The following BBS2 variants were observed in gnomAD, a reference collection of about 807,000 sequenced individuals.
BBS2 encodes the protein Bardet-Biedl syndrome 2.
Under a neutral mutation model 83.0 loss-of-function variants are expected in BBS2, and 62 were observed. The ratio of observed to expected loss-of-function variants is 0.75; its 90% CI spans 0.61 to 0.92. The LOEUF (loss-of-function observed/expected upper bound fraction) is 0.92. Ranked by LOEUF, BBS2 falls within the 40% of genes least tolerant of loss-of-function variation. BBS2 has a pLI of 0.00. For synonymous variants in BBS2, 303 were observed against 326.1 expected (o/e 0.93, Z 0.76); for missense variants, 784 against 901.0 (o/e 0.87, Z 1.66).
intron 17 of BBS2, among the ~76,000 whole-genome samples, chr16:56,471,364 A>AG (rs1394313685): frequency 6.6e-6 from 1 of 151,460 alleles, no homozygotes; most frequent in Non-Finnish European, 1.5e-5. Context: ...TACATCTCAA[A>AG]GAAAAAAAAA....
chr16:56,472,382 A>C (rs1272617135), intron 17 of BBS2, among the ~76,000 whole-genome samples: 1 of 152,170 alleles, frequency 6.6e-6, no homozygotes, highest in Admixed American at 6.5e-5. Context: ...TTGAGCACCT[A>C]CTGTATACAG....
chr16:56,499,582 C>T, intron 12 of BBS2, 196 bp downstream of exon 12: 2 of 617,590 alleles, frequency 3.2e-6, no homozygotes, highest in East Asian at 3.3e-5. Context: ...TGCTCAGATG[C>T]TTTTTCAAAG....
At chr16:56,494,503 C>T (rs182698514) in intron 15 of BBS2, among the ~76,000 whole-genome samples, 2 of 152,184 alleles carry the variant, frequency 1.3e-5, no homozygotes, top group East Asian at 3.9e-4. Flanking sequence ...AGAACCAGGA[C>T]TCGAGAGAAA....
chr16:56,516,020 T>C (rs771761430), intron 1 of BBS2: 1 of 152,196 alleles, frequency 6.6e-6, no homozygotes, highest in African/African-American at 2.4e-5. Flanking sequence ...GCTGAGAAAG[T>C]ACAGGAGCAG....
intron 14 of BBS2, 50 bp downstream of exon 14, chr16:56,497,693 T>C (rs1964152797): frequency 1.2e-6 from 2 of 1,606,434 alleles, no homozygotes; most frequent in African/African-American, 2.7e-5. Flanking sequence ...TCTCCTCAAA[T>C]ATTATTAGAC....
chr16:56,502,842 T>C (rs1247330435), intron 7 of BBS2, 34 bp from the exon 8 acceptor site: 4 of 1,613,438 alleles, frequency 2.5e-6, no homozygotes, highest in African/African-American at 1.3e-5. Context: ...AAGTTGCTTA[T>C]GCTACATGTT....
chr16:56,500,659 T>C, intron 11 of BBS2, 195 bp downstream of exon 11: 1 of 584,438 alleles, frequency 1.7e-6, no homozygotes, highest in Non-Finnish European at 3.0e-6. Context: ...ATCTTAAACT[T>C]ACATATCAGT....
At position 56,475,588 on chromosome 16, in the gene BBS2, C is replaced by CT. The variant is rs1463568750; in HGVS notation, c.*1-4894dup. On this transcript the variant is annotated intron_variant, in intron 17 of 17. Transcript: ENST00000682047. Reference sequence around the variant, plus strand: ...GAGGTAAGTTTCTTCTGATAGCAAACTATCATTTTTAGTTATTGAGAATGC... The same window carrying CT: ...GAGGTAAGTTTCTTCTGATAGCAAACTTATCATTTTTAGTTATTGAGAATGC... 3.7e-6 allele frequency: 6 copies of CT among 1,607,254 alleles called. No homozygotes were observed. In the African/African-American group the frequency reaches 8.0e-5, roughly 21 times the overall value.
intron 17 of BBS2, chr16:56,478,153 G>A (rs181411886): frequency 1.3e-5 from 2 of 151,964 alleles, no homozygotes; most frequent in East Asian, 3.9e-4. Flanking sequence ...TACTATTTTG[G>A]AGACCACAAT....
chr16:56,497,566 T>C, intron 14 of BBS2, 177 bp downstream of exon 14: 1 of 792,698 alleles, frequency 1.3e-6, no homozygotes, highest in Non-Finnish European at 2.0e-6. Context: ...ACACTTCCTT[T>C]TATAAAATAA....
chr16:56,515,887 C>G (rs968983404), intron 1 of BBS2, among the ~76,000 whole-genome samples: 1 of 152,140 alleles, frequency 6.6e-6, no homozygotes, highest in South Asian at 2.1e-4. Flanking sequence ...AGACTGGTGA[C>G]AGGGCTAAGA....
intron 2 of BBS2, among the ~76,000 whole-genome samples, chr16:56,512,319 C>A (rs1964601203): frequency 6.6e-6 from 1 of 152,064 alleles, no homozygotes; most frequent in Admixed American, 6.6e-5. Flanking sequence ...CCACATAGCC[C>A]AGCAATTCCA....
intron 11 of BBS2, 91 bp downstream of exon 11, chr16:56,500,763 C>T: frequency 7.3e-7 from 1 of 1,371,814 alleles, no homozygotes; most frequent in Non-Finnish European, 1.0e-6. Flanking sequence ...TTCTCAGGCC[C>T]CCAAGAATCC....
chr16:56,508,490 A>C (rs1179183909), intron 5 of BBS2, among the ~76,000 whole-genome samples: 2 of 151,960 alleles, frequency 1.3e-5, no homozygotes, highest in Admixed American at 6.6e-5. Context: ...AGAATATCTT[A>C]TTTTTTTCTG....
chr16:56,508,790 C>T (rs555182864), intron 5 of BBS2, among the ~76,000 whole-genome samples: 2 of 151,944 alleles, frequency 1.3e-5, no homozygotes, highest in Non-Finnish European at 2.9e-5. Context: ...GGACTACAGA[C>T]GTGTGCCATC....
Position 56,485,861 on chromosome 16 carries a change from T to A in BBS2, c.1911-123A>T, listed in dbSNP as rs1963762808. On this transcript the variant is annotated intron_variant, in intron 15 of 16. Coordinates refer to ENST00000245157, the MANE Select transcript of BBS2 (RefSeq NM_031885.5). ...TTTTTAAGCTATATTTTCATTAAAA[T>A]CGAGTAACTGCTAGTTTGCTTTGAA... 13 of 833,042 alleles carry A rather than the reference T, an allele frequency of 1.6e-5. No individual in the cohort carries two copies. In the South Asian group the frequency reaches 1.9e-4, roughly 12 times the overall value. The allele number at this position is 833,042 out of a possible 1,614,324, so 51.6% of individuals were successfully genotyped here. A position where few individuals can be genotyped will look rare whatever the true frequency, so the allele number is the denominator to read the frequency against.
intron 8 of BBS2, 79 bp downstream of exon 8, chr16:56,502,594 T>C: frequency 4.3e-6 from 7 of 1,611,108 alleles, no homozygotes; most frequent in Non-Finnish European, 5.1e-6. Flanking sequence ...TACAAATACT[T>C]CAGGTGAAAT....
intron 5 of BBS2, among the ~76,000 whole-genome samples, chr16:56,506,963 CAA>C (rs1443138672): frequency 7.9e-5 from 12 of 152,238 alleles, no homozygotes; most frequent in Admixed American, 7.2e-4. Flanking sequence ...GTTCCTAATA[CAA>C]GAGATATTAA....
intron 15 of BBS2, 124 bp from the exon 16 acceptor site, chr16:56,485,862 C>T (rs1163683267): frequency 2.9e-5 from 24 of 820,920 alleles, no homozygotes; most frequent in Non-Finnish European, 4.6e-5. Context: ...TCATTAAAAT[C>T]GAGTAACTGC....
Sources: gnomAD v4.1 joint callset for allele counts (sites outside exome capture counted in the v4.1 genomes callset) on GRCh38, gnomAD v4.1.1 for gene constraint, MANE v1.5 for transcripts, NCBI Gene and HGNC (gene_info 2026-07-23, HGNC 2026-07-21) for gene names.